Variants in ABCC1 observed in about 807,000 individuals in gnomAD.
The protein encoded by ABCC1 is multidrug resistance-associated protein 1.
ABCC1 carries 83 observed loss-of-function variants against 172.9 expected under a neutral mutation model. That is an observed-to-expected ratio of 0.48 (90% CI 0.40 to 0.58). The LOEUF (loss-of-function observed/expected upper bound fraction) is 0.58. ABCC1 is among the 20% of genes least tolerant of loss of function. The probability of loss-of-function intolerance (pLI) is 0.00; values close to 1 mark genes in which losing one functional copy is unlikely to be tolerated. For missense variants in ABCC1, 1,817 were observed against 2,002.7 expected (o/e 0.91, Z 1.77); for synonymous variants, 937 against 825.2 (o/e 1.14, Z -2.32).
At chr16:15,979,089 G>A (rs980688915) in intron 1 of ABCC1, among the ~76,000 whole-genome samples, 1 of 152,000 alleles carries the variant, frequency 6.6e-6, no homozygotes, top group Non-Finnish European at 1.5e-5. Context: ...TCAAGACATC[G>A]AGACCATCCT....
chr16:16,085,328 C>T (rs1467767523), intron 17 of ABCC1, among the ~76,000 whole-genome samples: 1 of 152,206 alleles, frequency 6.6e-6, no homozygotes, highest in Non-Finnish European at 1.5e-5. Context: ...CTCTGGCACC[C>T]CATGGTGGTC....
At chr16:16,086,767 G>C in intron 17 of ABCC1, 57 bp from the exon 18 acceptor site, 2 of 1,589,772 alleles carry the variant, frequency 1.3e-6, no homozygotes, top group Non-Finnish European at 1.7e-6. Context: ...CTGCTTCTAC[G>C]TATTGTGAGT....
At chr16:16,124,339 G>GTGTGTGTGTGTGTGTGTGTGTGTGTGTA (rs1466097333) in intron 24 of ABCC1, among the ~76,000 whole-genome samples, 1 of 134,508 alleles carries the variant, frequency 7.4e-6, no homozygotes, top group Non-Finnish European at 1.6e-5. Context: ...GTGTGTGTGT[G>GTGTGTGTGTGTGTGTGTGTGTGTGTGTA]TGTGTGTGTG....
intron 1 of ABCC1, among the ~76,000 whole-genome samples, chr16:15,978,399 C>T (rs1443713984): frequency 6.6e-6 from 1 of 151,780 alleles, no homozygotes; most frequent in African/African-American, 2.4e-5. Context: ...AACAAATAAA[C>T]AAAAAACAGG....
At chr16:15,997,412 G>A (rs1309785247) in intron 1 of ABCC1, among the ~76,000 whole-genome samples, 1 of 152,154 alleles carries the variant, frequency 6.6e-6, no homozygotes, top group Admixed American at 6.5e-5. Flanking sequence ...TCTCTGTAAA[G>A]ATTTCTGTGG....
intron 1 of ABCC1, among the ~76,000 whole-genome samples, chr16:15,957,312 C>G (rs1443360365): frequency 1.3e-5 from 2 of 149,990 alleles, no homozygotes; most frequent in African/African-American, 5.0e-5. Flanking sequence ...TGGTGAACTC[C>G]TGAACTCAGG....
chr16:16,087,885 CT>C (rs1234390050), intron 18 of ABCC1, among the ~76,000 whole-genome samples: 1 of 152,078 alleles, frequency 6.6e-6, no homozygotes, highest in Non-Finnish European at 1.5e-5. Context: ...TTTTTCAAGT[CT>C]TTTTGCTCTG....
At chr16:16,112,299 C>A (rs573418272) in intron 22 of ABCC1, among the ~76,000 whole-genome samples, 3 of 151,916 alleles carry the variant, frequency 2.0e-5, no homozygotes, top group African/African-American at 7.2e-5. Flanking sequence ...GAGTTTGAGC[C>A]TACAGTTAGA....
At chr16:15,965,956 T>G (rs2046233061) in intron 1 of ABCC1, among the ~76,000 whole-genome samples, 1 of 152,150 alleles carries the variant, frequency 6.6e-6, no homozygotes. Flanking sequence ...TTGGCTTATT[T>G]CCTTAGATGA....
Position 15,950,166 on chromosome 16 carries a change from C to T in ABCC1, c.48+367C>T, listed in dbSNP as rs557914189. On this transcript the variant is annotated intron_variant, in intron 1 of 30. Transcript: ENST00000399410. Reference sequence around the variant, plus strand: ...GGGGGGCGGGAAGAGGGGTGTCTCTCTGCTTCTGTTTTCCCATCTTTTTTG... The same window carrying T: ...GGGGGGCGGGAAGAGGGGTGTCTCTTTGCTTCTGTTTTCCCATCTTTTTTG... 2.0e-5 allele frequency among the ~76,000 whole-genome samples: 3 copies of T among 152,246 alleles called. No individual in the cohort carries two copies. In the East Asian group the frequency reaches 5.8e-4, roughly 29 times the overall value.
At position 16,141,441 on chromosome 16, in the gene ABCC1, T is replaced by C. The variant is rs548104376; in HGVS notation, c.*160T>C. The C allele has an allele frequency of 1.4e-4, 89 of 639,328 alleles. 2 individuals are homozygous for C. Among genetic ancestry groups the C allele is most frequent in the Non-Finnish European group, 8.9e-5 (33 of 371,236 alleles). 39.6% of individuals were successfully genotyped at this position (639,328 alleles called of 1,614,324 possible). ...ATATTCAAAGCAGCAGCCACCGCCA[T>C]CCGGTCCCCTGCCTGGAACTGGCTG... On this transcript the variant is annotated 3_prime_UTR_variant, in exon 31 of 31. Coordinates refer to ENST00000399410, the MANE Select transcript of ABCC1 (RefSeq NM_004996.4).
At chr16:16,070,156 A>G (rs1197368570) in intron 13 of ABCC1, among the ~76,000 whole-genome samples, 1 of 143,694 alleles carries the variant, frequency 7.0e-6, no homozygotes. Context: ...CTGAGGTGGT[A>G]GGATTGCTTC....
intron 16 of ABCC1, among the ~76,000 whole-genome samples, chr16:16,079,822 T>G (rs1024490513): frequency 6.6e-6 from 1 of 151,572 alleles, no homozygotes; most frequent in African/African-American, 2.4e-5. Context: ...TATTGTGTTT[T>G]TTTTTTTTTG....
At position 16,006,002 on chromosome 16, in the gene ABCC1, A is replaced by G. The variant is rs534007065; in HGVS notation, c.49-1814A>G. Among the ~76,000 whole-genome samples the G allele has an allele frequency of 1.0e-3, 153 of 151,806 alleles. 1 individual carries two copies. The highest frequency in any genetic ancestry group is 3.6e-3 in the African/African-American group (148 of 41,196). ...AAGCAAGACTCTGTCAAGAAAAAAA[A>G]AAATAAAAATAAAAAGCCGGAAATC... On this transcript the variant is annotated intron_variant, in intron 1 of 30. Coordinates refer to ENST00000399410, the MANE Select transcript of ABCC1 (RefSeq NM_004996.4).
chr16:16,089,279 C>T (rs1017266334), intron 18 of ABCC1, among the ~76,000 whole-genome samples: 4 of 152,112 alleles, frequency 2.6e-5, no homozygotes, highest in South Asian at 2.1e-4. Flanking sequence ...GGCACGGTAG[C>T]GCATGCCTGT....
intron 12 of ABCC1, among the ~76,000 whole-genome samples, chr16:16,061,869 G>A (rs1176641374): frequency 6.0e-5 from 9 of 149,424 alleles, no homozygotes; most frequent in African/African-American, 2.2e-4. Flanking sequence ...TGCCTCCCAG[G>A]CTCAAGTAAT....
At chr16:16,132,934 C>G (rs951349176) in intron 27 of ABCC1, among the ~76,000 whole-genome samples, 2 of 152,096 alleles carry the variant, frequency 1.3e-5, no homozygotes, top group African/African-American at 4.8e-5. Flanking sequence ...CAGGTCAATC[C>G]TCCCCCGCCT....
chr16:15,977,497 A>G (rs566819165), intron 1 of ABCC1, among the ~76,000 whole-genome samples: 3 of 151,820 alleles, frequency 2.0e-5, no homozygotes, highest in African/African-American at 7.3e-5. Flanking sequence ...CGGTCTCCCA[A>G]AATACTGGGA....
intron 1 of ABCC1, among the ~76,000 whole-genome samples, chr16:15,987,071 G>C (rs1166282938): frequency 6.6e-6 from 1 of 152,090 alleles, no homozygotes; most frequent in Admixed American, 6.5e-5. Flanking sequence ...AGGCTGAGGC[G>C]GGAGGATCAC....
Sources: gnomAD v4.1 joint callset for allele counts (sites outside exome capture counted in the v4.1 genomes callset) on GRCh38, gnomAD v4.1.1 for gene constraint, MANE v1.5 for transcripts, NCBI Gene and HGNC (gene_info 2026-07-23, HGNC 2026-07-21) for gene names.